Variants in LRMDA observed in about 807,000 individuals in gnomAD.
LRMDA encodes leucine rich melanocyte differentiation associated.
A neutral mutation model predicts 29.8 loss-of-function variants in LRMDA; 18 were observed. The ratio of observed to expected loss-of-function variants is 0.60; its 90% confidence interval spans 0.42 to 0.90. LRMDA has a LOEUF of 0.90. Among genes scored for constraint, LRMDA ranks in the 40% least tolerant of loss-of-function variants. LRMDA has a pLI of 0.00. For synonymous variants in LRMDA, 125 were observed against 109.4 expected (o/e 1.14, Z -0.89); for missense variants, 273 against 273.9 (o/e 1.00, Z 0.02).
intron 2 of LRMDA, among the ~76,000 whole-genome samples, chr10:75,749,078 T>C (rs1488425632): frequency 1.3e-5 from 2 of 152,194 alleles, no homozygotes; most frequent in Non-Finnish European, 2.9e-5. Flanking sequence ...CAACCCCCAC[T>C]TCTTCCTTTT....
At chr10:75,809,731 C>T (rs1459206887) in intron 2 of LRMDA, among the ~76,000 whole-genome samples, 1 of 152,166 alleles carries the variant, frequency 6.6e-6, no homozygotes, top group Non-Finnish European at 1.5e-5. Context: ...CCAGTAGTCA[C>T]TCACGTCAGT....
chr10:75,826,139 C>G (rs186174138), intron 2 of LRMDA, among the ~76,000 whole-genome samples: 29 of 152,276 alleles, frequency 1.9e-4, no homozygotes, highest in Admixed American at 1.6e-3. Flanking sequence ...GTGACTCTTG[C>G]TTAATCCTAC....
chr10:75,982,448 A>G (rs142428306), intron 2 of LRMDA, among the ~76,000 whole-genome samples: 169 of 152,194 alleles, frequency 1.1e-3, no homozygotes, highest in African/African-American at 3.9e-3. Context: ...GTTCCCATAC[A>G]CGAGACCATT....
chr10:76,116,889 G>A (rs1849676596), intron 5 of LRMDA, among the ~76,000 whole-genome samples: 1 of 152,116 alleles, frequency 6.6e-6, no homozygotes, highest in Non-Finnish European at 1.5e-5. Context: ...CTCTAATGGG[G>A]TCTGGGAGAA....
intron 2 of LRMDA, among the ~76,000 whole-genome samples, chr10:76,011,409 C>T (rs1347793193): frequency 6.6e-6 from 1 of 152,140 alleles, no homozygotes; most frequent in Non-Finnish European, 1.5e-5. Flanking sequence ...GGGAATGTGG[C>T]CATCTCGTCT....
intron 6 of LRMDA, among the ~76,000 whole-genome samples, chr10:76,493,409 A>G (rs1310851048): frequency 6.6e-6 from 1 of 151,942 alleles, no homozygotes; most frequent in Non-Finnish European, 1.5e-5. Context: ...ATGGGTTCCC[A>G]CTCTGGCTCA....
rs114819416 is a variant in LRMDA, at chr10:75,538,386, C to T, written c.131+99892C>T. The stretch of plus-strand genomic sequence containing the variant: ...CTCTACCGCATTTCACATAGCATGC[C>T]TAGTGAGTGAATGTAAGGAATAATT... On this transcript the variant is annotated intron_variant, in intron 2 of 6. Transcript: ENST00000611255. 3.6e-3 allele frequency among the ~76,000 whole-genome samples: 553 copies of T among 152,264 alleles called. 3 individuals carry two copies. Among genetic ancestry groups the T allele is most frequent in the African/African-American group, 0.013 (529 of 41,544 alleles).
chr10:76,334,614 A>T (rs1188380483), intron 6 of LRMDA, among the ~76,000 whole-genome samples: 1 of 152,120 alleles, frequency 6.6e-6, no homozygotes, highest in Non-Finnish European at 1.5e-5. Context: ...TTCTAATGAA[A>T]TTTTTTGGTT....
intron 2 of LRMDA, among the ~76,000 whole-genome samples, chr10:75,936,736 T>C (rs1315968211): frequency 1.3e-5 from 2 of 152,164 alleles, no homozygotes; most frequent in East Asian, 3.9e-4. Context: ...ACAAAATCTC[T>C]CTGAGGTCTC....
At chr10:75,580,555 T>A (rs543084389) in intron 2 of LRMDA, among the ~76,000 whole-genome samples, 1 of 152,260 alleles carries the variant, frequency 6.6e-6, no homozygotes, top group Non-Finnish European at 1.5e-5. Context: ...TTCACAGAAT[T>A]GGAAAAAACT....
intron 2 of LRMDA, among the ~76,000 whole-genome samples, chr10:75,925,113 G>A (rs966867710): frequency 1.3e-5 from 2 of 152,186 alleles, no homozygotes; most frequent in Admixed American, 1.3e-4. Context: ...GTCGTCCTGG[G>A]ACTGGCTTAT....
chr10:75,811,769 C>A (rs1239206841), intron 2 of LRMDA, among the ~76,000 whole-genome samples: 1 of 152,146 alleles, frequency 6.6e-6, no homozygotes, highest in African/African-American at 2.4e-5. Flanking sequence ...CTCCTTGGGC[C>A]TGGAACACAC....
At chr10:76,376,190 A>G (rs1051803481) in intron 6 of LRMDA, among the ~76,000 whole-genome samples, 1 of 152,080 alleles carries the variant, frequency 6.6e-6, no homozygotes, top group African/African-American at 2.4e-5. Context: ...CTATTATTCC[A>G]TTTTGTATAT....
intron 6 of LRMDA, among the ~76,000 whole-genome samples, chr10:76,467,519 T>C (rs1340870640): frequency 1.3e-5 from 2 of 152,190 alleles, no homozygotes; most frequent in Non-Finnish European, 2.9e-5. Flanking sequence ...GCAGGTTTTG[T>C]ATCAGTATTT....
chr10:75,494,393 C>T (rs1428903001), intron 2 of LRMDA, among the ~76,000 whole-genome samples: 1 of 151,772 alleles, frequency 6.6e-6, no homozygotes, highest in African/African-American at 2.4e-5. Flanking sequence ...GAAACAACTT[C>T]CTAAAGAGAT....
chr10:75,791,953 A>G (rs974684951), intron 2 of LRMDA, among the ~76,000 whole-genome samples: 18 of 137,984 alleles, frequency 1.3e-4, no homozygotes, highest in African/African-American at 4.6e-4. Flanking sequence ...TCTGCCTCCC[A>G]GGTTCACGCC....
intron 2 of LRMDA, among the ~76,000 whole-genome samples, chr10:75,583,795 TC>T (rs983072381): frequency 6.6e-6 from 1 of 152,172 alleles, no homozygotes; most frequent in African/African-American, 2.4e-5. Context: ...AGTCATTAAG[TC>T]CCAATTTTAC....
chr10:75,930,660 A>G (rs1220384778), intron 2 of LRMDA, among the ~76,000 whole-genome samples: 1 of 152,224 alleles, frequency 6.6e-6, no homozygotes, highest in Non-Finnish European at 1.5e-5. Context: ...CCATTTGTCA[A>G]AGTTGCTGAG....
At chr10:76,413,184 G>A (rs896190028) in intron 6 of LRMDA, among the ~76,000 whole-genome samples, 10 of 151,496 alleles carry the variant, frequency 6.6e-5, no homozygotes, top group African/African-American at 1.2e-4. Flanking sequence ...CTTTCTTTTC[G>A]ACACTCCTAG....
Sources: gnomAD v4.1 joint callset for allele counts (sites outside exome capture counted in the v4.1 genomes callset) on GRCh38, gnomAD v4.1.1 for gene constraint, MANE v1.5 for transcripts, NCBI Gene and HGNC (gene_info 2026-07-23, HGNC 2026-07-21) for gene names.